UBTD1: variants seen among roughly 807,000 people sequenced by gnomAD.
The protein encoded by UBTD1 is ubiquitin domain containing 1, also known as ubiquitin domain-containing protein 1.
A neutral mutation model predicts 21.7 loss-of-function variants in UBTD1; 19 were observed. That is an observed-to-expected ratio of 0.87 (90% confidence interval 0.61 to 1.28). The LOEUF is 1.28. Among genes scored for constraint, UBTD1 ranks in the 50% most tolerant of loss-of-function variants. The pLI is 0.00. For synonymous variants in UBTD1, 116 were observed against 135.1 expected (o/e 0.86, Z 0.98); for missense variants, 282 against 315.1 (o/e 0.89, Z 0.80).
Position 97,570,013 on chromosome 10 carries a change from C to A in UBTD1, c.299-125C>A. Reference sequence around the variant, plus strand: ...TTAACTTTATTTATTTCTGTATAGGCCCCATGTCCAAATACAGTCACATTG... The same window carrying A: ...TTAACTTTATTTATTTCTGTATAGGACCCATGTCCAAATACAGTCACATTG... On this transcript the variant is annotated intron_variant, in intron 2 of 2. Transcript: ENST00000370664. The surrounding 1 kb of genome is among the most constrained non-coding windows in gnomAD (Gnocchi z 6.6). The A allele has an allele frequency of 7.5e-7, 1 of 1,331,452 alleles. No homozygotes were observed. Among genetic ancestry groups the A allele is most frequent in the Non-Finnish European group, 1.0e-6 (1 of 976,766 alleles). The allele number at this position is 1,331,452 out of a possible 1,614,324, so 82.5% of individuals were successfully genotyped here.
Position 97,570,912 on chromosome 10 carries a change from T to G in UBTD1, c.*389T>G. 1 of 190,680 alleles carries G rather than the reference T, an allele frequency of 5.2e-6. No individual in the cohort carries two copies. Among genetic ancestry groups the G allele is most frequent in the Non-Finnish European group, 1.1e-5 (1 of 89,772 alleles). 11.8% of individuals were successfully genotyped at this position (190,680 alleles called of 1,614,324 possible). ...CTGCTGTCTCCCTCCTCTGCCCCCA[T>G]CCCCTGGCTCTCCCCTGGGCACAGT... On this transcript the variant is annotated 3_prime_UTR_variant, in exon 3 of 3. Transcript: ENST00000370664. This position sits in a 1 kb window ranked among gnomAD's most constrained non-coding sequence, Gnocchi z 6.6.
intron 1 of UBTD1, among the ~76,000 whole-genome samples, chr10:97,552,909 T>C (rs1476547306): frequency 6.6e-6 from 1 of 152,234 alleles, no homozygotes; most frequent in Non-Finnish European, 1.5e-5. Flanking sequence ...CTTTAACCTG[T>C]TAAAAAGGTG....
chr10:97,536,485 A>C (rs936118695), intron 1 of UBTD1, among the ~76,000 whole-genome samples: 3 of 152,218 alleles, frequency 2.0e-5, no homozygotes, highest in Admixed American at 2.0e-4. Flanking sequence ...GTTTGATTTT[A>C]AAATGACCCC....
chr10:97,521,737 G>A (rs967941361), intron 1 of UBTD1, among the ~76,000 whole-genome samples: 8 of 152,224 alleles, frequency 5.3e-5, no homozygotes, highest in South Asian at 4.1e-4. Context: ...TCCCCCAGCA[G>A]CAGCTGGGCA....
At chr10:97,509,736 C>T (rs747816214) in intron 1 of UBTD1, among the ~76,000 whole-genome samples, 5 of 150,660 alleles carry the variant, frequency 3.3e-5, no homozygotes, top group African/African-American at 4.9e-5. Flanking sequence ...CTGCAACTTC[C>T]GCCTCCTGGA....
chr10:97,567,818 T>G, intron 1 of UBTD1, 96 bp from the exon 2 acceptor site: 3 of 1,212,212 alleles, frequency 2.5e-6, no homozygotes, highest in Non-Finnish European at 3.5e-6. Context: ...GCAGCAGGGT[T>G]TCAGGGTCTG....
Position 97,541,728 on chromosome 10 carries a change from A to ATTTTTT in UBTD1, c.71-26168_71-26163dup, listed in dbSNP as rs975827062. On this transcript the variant is annotated intron_variant, in intron 1 of 2. Coordinates refer to ENST00000370664, the MANE Select transcript of UBTD1 (RefSeq NM_024954.5). ...GGGAGTTAGACCTAGGTCCTCTCTG[A>ATTTTTT]TTTTTTTTTTTTTTTTTTTTTTTGA... is the stretch of plus-strand genomic sequence containing the variant. 3.6e-4 allele frequency among the ~76,000 whole-genome samples: 36 copies of ATTTTTT among 98,880 alleles called. 3 individuals carry two copies. In the East Asian group the frequency reaches 6.2e-3, roughly 17 times the overall value. The allele number at this position is 98,880 out of a possible 152,430, so 64.9% of individuals were successfully genotyped here.
intron 1 of UBTD1, among the ~76,000 whole-genome samples, chr10:97,567,671 A>C (rs999593837): frequency 6.6e-6 from 1 of 152,084 alleles, no homozygotes. Context: ...AAAACAAAAA[A>C]CAAAAAACAA....
At chr10:97,537,536 G>A (rs1259447114) in intron 1 of UBTD1, among the ~76,000 whole-genome samples, 1 of 152,214 alleles carries the variant, frequency 6.6e-6, no homozygotes, top group African/African-American at 2.4e-5. Flanking sequence ...CGCAAAGCTT[G>A]TATGCTGCCT....
chr10:97,529,599 C>CA (rs11362598), intron 1 of UBTD1, among the ~76,000 whole-genome samples: 152 of 150,108 alleles, frequency 1.0e-3, no homozygotes, highest in African/African-American at 3.5e-3. Flanking sequence ...CCGTCTCCAC[C>CA]AAAAAAAAAA....
intron 2 of UBTD1, among the ~76,000 whole-genome samples, chr10:97,569,375 G>A (rs752536580): frequency 6.6e-6 from 1 of 152,220 alleles, no homozygotes; most frequent in Non-Finnish European, 1.5e-5. Context: ...GCAGAGCTGT[G>A]CTATTTCATT....
intron 1 of UBTD1, among the ~76,000 whole-genome samples, chr10:97,507,510 C>T (rs2040404062): frequency 6.6e-6 from 1 of 151,684 alleles, no homozygotes; most frequent in East Asian, 1.9e-4. Flanking sequence ...CACGGTGGCT[C>T]ATGCCTGTAA....
intron 1 of UBTD1, among the ~76,000 whole-genome samples, chr10:97,521,807 A>G (rs1190801265): frequency 6.6e-6 from 1 of 152,228 alleles, no homozygotes; most frequent in East Asian, 1.9e-4. Context: ...AGGCTCTGGC[A>G]TGGAGGCTGG....
At chr10:97,500,078 C>T (rs1358031593) in intron 1 of UBTD1, among the ~76,000 whole-genome samples, 1 of 152,260 alleles carries the variant, frequency 6.6e-6, no homozygotes, top group Admixed American at 6.5e-5. Flanking sequence ...ATATCGTAGA[C>T]TTGAGAGCTC....
In UBTD1 at chr10:97,536,008, T is replaced by C. The variant is rs78004504; in HGVS notation, c.71-31906T>C. Among the ~76,000 whole-genome samples the C allele has an allele frequency of 6.7e-3, 131 of 19,512 alleles. 1 individual carries two copies. The highest frequency in any genetic ancestry group is 0.015 in the African/African-American group (120 of 7,806). The allele number at this position is 19,512 out of a possible 152,430, so 12.8% of individuals were successfully genotyped here. A position where few individuals can be genotyped will look rare whatever the true frequency, so the allele number is the denominator to read the frequency against. ...TATTATTATTATTATTATTATTATT[T>C]CGAGACAGAATTTTGCTCTAGTCAC... On this transcript the variant is annotated intron_variant, in intron 1 of 2. Transcript: ENST00000370664.
chr10:97,514,671 A>G (rs758291157), intron 1 of UBTD1, among the ~76,000 whole-genome samples: 2 of 151,966 alleles, frequency 1.3e-5, no homozygotes, highest in Non-Finnish European at 2.9e-5. Context: ...TCTTATCTTC[A>G]TTGCCCTCTC....
Position 97,546,935 on chromosome 10 carries a change from G to A in UBTD1, c.71-20979G>A, listed in dbSNP as rs538037239. Reference sequence around the variant, plus strand: ...TCTCTCTCTGTCTGTCTCTGTCTCCGTCTCTCTCTCGGGAAACAGCTGTCG... The same window carrying A: ...TCTCTCTCTGTCTGTCTCTGTCTCCATCTCTCTCTCGGGAAACAGCTGTCG... On this transcript the variant is annotated intron_variant, in intron 1 of 2. Coordinates refer to ENST00000370664, the MANE Select transcript of UBTD1 (RefSeq NM_024954.5). 1.3e-3 allele frequency among the ~76,000 whole-genome samples: 205 copies of A among 152,004 alleles called. 1 individual carries two copies. Among genetic ancestry groups the A allele is most frequent in the African/African-American group, 4.7e-3 (193 of 41,434 alleles).
intron 1 of UBTD1, among the ~76,000 whole-genome samples, chr10:97,512,843 A>G (rs1174385970): frequency 6.6e-6 from 1 of 152,244 alleles, no homozygotes; most frequent in Non-Finnish European, 1.5e-5. Flanking sequence ...AGCCCAGAGC[A>G]AGTGTGCAAG....
At chr10:97,542,669 T>C (rs1267635262) in intron 1 of UBTD1, among the ~76,000 whole-genome samples, 1 of 152,180 alleles carries the variant, frequency 6.6e-6, no homozygotes, top group African/African-American at 2.4e-5. Context: ...GCTGTCTGAC[T>C]CCGAAGCCTG....
Sources: allele counts gnomAD v4.1 joint callset (sites outside exome capture counted in the v4.1 genomes callset), GRCh38; gene constraint gnomAD v4.1.1; non-coding constraint Gnocchi (gnomAD v3.1); transcripts MANE v1.5; gene names NCBI Gene and HGNC (gene_info 2026-07-23, HGNC 2026-07-21).